The following GNB5 variants were observed in gnomAD, a reference collection of about 807,000 sequenced individuals.
The protein encoded by GNB5 is G protein subunit beta 5.
Under a neutral mutation model 55.3 loss-of-function variants are expected in GNB5, and 37 were observed. The ratio of observed to expected loss-of-function variants is 0.67; its 90% CI spans 0.51 to 0.88. The LOEUF (loss-of-function observed/expected upper bound fraction) is 0.88, where lower values mean the gene tolerates loss of function less well. GNB5 is among the 40% of genes least tolerant of loss of function. GNB5 has a pLI of 0.00. For synonymous variants in GNB5, 219 were observed against 198.5 expected (o/e 1.10, Z -0.87); for missense variants, 476 against 515.3 (o/e 0.92, Z 0.74).
intron 3 of GNB5, among the ~76,000 whole-genome samples, chr15:52,174,131 C>G (rs561030495): frequency 6.6e-6 from 1 of 152,282 alleles, no homozygotes; most frequent in South Asian, 2.1e-4. Context: ...CTCAGAATCA[C>G]GTGAGCCTTG....
At position 52,128,196 on chromosome 15, in the gene GNB5, C is replaced by A; in HGVS notation, c.912G>T (p.Thr304=). Reference sequence around the variant, plus strand: ...AGCTCTCAAAAACTTAGAAACATACCGTAGCGTCATCTGACCCTGAAGCAA... The same window carrying A: ...AGCTCTCAAAAACTTAGAAACATACAGTAGCGTCATCTGACCCTGAAGCAA... The part of the protein sequence containing the change: ...DAFASGSDDA[T]CRLYDLRADR... Residue 304 remains threonine (T), a splice_region_variant and synonymous_variant, in exon 10 of 13, where the codon ACG becomes ACT. Coordinates refer to ENST00000261837, the MANE Select transcript of GNB5 (RefSeq NM_016194.4). 6.2e-7 allele frequency: 1 copy of A among 1,602,172 alleles called. No homozygotes were observed. The highest frequency in any genetic ancestry group is 8.6e-7 in the Non-Finnish European group (1 of 1,169,164).
At chr15:52,145,806 A>AAAGCATTTGCCTGGGGACTC (rs1381049371) in intron 6 of GNB5, among the ~76,000 whole-genome samples, 4 of 152,160 alleles carry the variant, frequency 2.6e-5, no homozygotes, top group Non-Finnish European at 5.9e-5. Context: ...AGAGGGCTCC[A>AAAGCATTTGCCTGGGGACTC]AAGCATTTGC....
chr15:52,175,388 C>G (rs547285626), intron 3 of GNB5, among the ~76,000 whole-genome samples: 1 of 152,168 alleles, frequency 6.6e-6, no homozygotes. Flanking sequence ...GAGGTCATCA[C>G]GAAGCAGGGG....
intron 6 of GNB5, among the ~76,000 whole-genome samples, chr15:52,145,636 C>T (rs577497883): frequency 3.9e-5 from 6 of 152,130 alleles, no homozygotes; most frequent in South Asian, 2.1e-4. Flanking sequence ...CAGAGCCAGA[C>T]TCCATCTCAA....
intron 3 of GNB5, among the ~76,000 whole-genome samples, chr15:52,174,415 G>C (rs2034609843): frequency 6.6e-6 from 1 of 152,182 alleles, no homozygotes; most frequent in African/African-American, 2.4e-5. Context: ...AGCAGAAAGT[G>C]ACAAGGAGAA....
intron 3 of GNB5, among the ~76,000 whole-genome samples, chr15:52,157,805 A>G (rs908298006): frequency 6.6e-6 from 1 of 152,106 alleles, no homozygotes; most frequent in African/African-American, 2.4e-5. Flanking sequence ...TCCCACATGT[A>G]GATCACTGCC....
intron 3 of GNB5, among the ~76,000 whole-genome samples, chr15:52,179,439 C>T (rs903345261): frequency 1.3e-5 from 2 of 152,208 alleles, no homozygotes; most frequent in South Asian, 4.2e-4. Flanking sequence ...CCACCCCCTG[C>T]CCTCCGCATG....
At position 52,149,873 on chromosome 15, in the gene GNB5, C is replaced by T. The variant is rs369267951; in HGVS notation, c.417+11G>A. The T allele has an allele frequency of 8.1e-6, 13 of 1,604,800 alleles. No homozygotes were observed. The African/African-American group carries it at 1.7e-4, about 21-fold the overall frequency. ...GAAGCCTCTATAACGTGGCTGGGAACAATGCCTCACCTTGTTTGTGGTGAA... is the reference window on the plus strand; with the variant it reads ...GAAGCCTCTATAACGTGGCTGGGAATAATGCCTCACCTTGTTTGTGGTGAA... On this transcript the variant is annotated intron_variant, in intron 5 of 12. Coordinates refer to ENST00000261837, the MANE Select transcript of GNB5 (RefSeq NM_016194.4).
intron 2 of GNB5, chr15:52,180,835 C>G (rs2034757186): frequency 6.6e-6 from 1 of 152,266 alleles, no homozygotes; most frequent in African/African-American, 2.4e-5. Context: ...CAGGAGTCAA[C>G]TTGAATGGGC....
At chr15:52,185,370 G>A (rs2034830103) in intron 1 of GNB5, among the ~76,000 whole-genome samples, 1 of 152,242 alleles carries the variant, frequency 6.6e-6, no homozygotes, top group Non-Finnish European at 1.5e-5. Flanking sequence ...AATCTGTCAA[G>A]TGGAGATCTT....
At chr15:52,157,808 T>A (rs938395799) in intron 3 of GNB5, among the ~76,000 whole-genome samples, 3 of 152,074 alleles carry the variant, frequency 2.0e-5, no homozygotes, top group African/African-American at 2.4e-5. Flanking sequence ...CACATGTAGA[T>A]CACTGCCAAC....
chr15:52,117,102 A>ATATATATATATATATTTTTTTT lies in GNB5; in HGVS notation c.*5654_*5655insAAAAAAAATATATATATATATA. On this transcript the variant is annotated 3_prime_UTR_variant, in exon 13 of 13. Coordinates refer to ENST00000261837, the MANE Select transcript of GNB5 (RefSeq NM_016194.4). ...CCACGCCCAGCTAATATATATATAT[A>ATATATATATATATATTTTTTTT]TTTTTTTTTAGTACAGACAGGGTTT... The ATATATATATATATATTTTTTTT allele has an allele frequency of 2.3e-5, 2 of 87,100 alleles. No homozygotes were observed. Among genetic ancestry groups the ATATATATATATATATTTTTTTT allele is most frequent in the African/African-American group, 1.2e-4 (2 of 16,446 alleles). The allele number at this position is 87,100 out of a possible 1,614,324, so 5.4% of individuals were successfully genotyped here.
At chr15:52,177,328 G>T (rs375134558) in intron 3 of GNB5, among the ~76,000 whole-genome samples, 2 of 151,564 alleles carry the variant, frequency 1.3e-5, no homozygotes, top group African/African-American at 4.8e-5. Context: ...CCACCCTGTC[G>T]GTCCGAGACC....
chr15:52,124,622 C>T lies in GNB5; in HGVS notation c.1027G>A (p.Gly343Arg), dbSNP rs2033373184. 1 of 1,613,702 alleles carries T rather than the reference C, an allele frequency of 6.2e-7. No homozygotes were observed. The highest frequency in any genetic ancestry group is 1.7e-5 in the Admixed American group (1 of 59,936). The change falls in exon 12 of 13, where the codon GGA becomes AGA. Residue 343 changes from glycine (G) to arginine (R), a missense_variant. Coordinates refer to ENST00000261837, the MANE Select transcript of GNB5 (RefSeq NM_016194.4). The part of the protein sequence containing the change: ...FSLSGRLLFA[G>R]YNDYTINVWD... Reference sequence around the variant, plus strand: ...ACGTTGATAGTGTAATCATTGTATCCAGCAAACAGCAGGCGACCTTGAAGC... The same window carrying T: ...ACGTTGATAGTGTAATCATTGTATCTAGCAAACAGCAGGCGACCTTGAAGC...
Position 52,153,197 on chromosome 15 carries a change from G to T in GNB5, c.375+743C>A, listed in dbSNP as rs910377372. ...TGGCCCTGCCTCTGCCCCTTCTTGT[G>T]GATCACTCGCTCTGGGAGAGGCCAG... On this transcript the variant is annotated intron_variant, in intron 4 of 12. Coordinates refer to ENST00000261837, the MANE Select transcript of GNB5 (RefSeq NM_016194.4). 1.8e-4 allele frequency among the ~76,000 whole-genome samples: 27 copies of T among 152,316 alleles called. 1 individual carries two copies. Among genetic ancestry groups the T allele is most frequent in the Non-Finnish European group, 3.2e-4 (22 of 68,030 alleles).
At chr15:52,131,561 G>A (rs1244831772) in intron 9 of GNB5, among the ~76,000 whole-genome samples, 1 of 152,100 alleles carries the variant, frequency 6.6e-6, no homozygotes, top group Non-Finnish European at 1.5e-5. Flanking sequence ...TATTTTTGTG[G>A]CTTTATCTTC....
chr15:52,128,159 T>C (rs373252745), intron 10 of GNB5, 37 bp downstream of exon 10: 4 of 1,435,052 alleles, frequency 2.8e-6, no homozygotes, highest in Admixed American at 1.7e-5. Flanking sequence ...GATCCCTCTA[T>C]TGACTAGGAA....
chr15:52,116,611 G>C lies in GNB5; in HGVS notation c.*6146C>G, dbSNP rs930063957. 2.0e-5 allele frequency: 3 copies of C among 152,074 alleles called. No homozygotes were observed. Among genetic ancestry groups the C allele is most frequent in the African/African-American group, 7.2e-5 (3 of 41,382 alleles). The allele number at this position is 152,074 out of a possible 1,614,324, so 9.4% of individuals were successfully genotyped here. A position where few individuals can be genotyped will look rare whatever the true frequency, so the allele number is the denominator to read the frequency against. On this transcript the variant is annotated 3_prime_UTR_variant, in exon 13 of 13. Coordinates refer to ENST00000261837, the MANE Select transcript of GNB5 (RefSeq NM_016194.4). Reference sequence around the variant, plus strand: ...TGTGAAAGTTGTTAGAATTCAAATAGAGTCACTAGTGTTTTAAAAAAACAA... The same window carrying C: ...TGTGAAAGTTGTTAGAATTCAAATACAGTCACTAGTGTTTTAAAAAAACAA...
intron 12 of GNB5, 126 bp from the exon 13 acceptor site, chr15:52,122,894 A>T: frequency 1.4e-6 from 1 of 732,960 alleles, no homozygotes; most frequent in Non-Finnish European, 2.5e-6. Flanking sequence ...GTGTGTACAC[A>T]CACACACACA....
Sources: allele counts gnomAD v4.1 joint callset (sites outside exome capture counted in the v4.1 genomes callset), GRCh38; gene constraint gnomAD v4.1.1; transcripts MANE v1.5; gene names NCBI Gene and HGNC (gene_info 2026-07-23, HGNC 2026-07-21).